CTBP1: variants seen among roughly 807,000 people sequenced by gnomAD.
CTBP1 encodes the protein C-terminal-binding protein 1.
In CTBP1, 11 loss-of-function variants were observed where a neutral mutation model predicts 42.1. The observed-to-expected ratio is 0.26, with a 90% confidence interval of 0.16 to 0.43. The LOEUF is 0.43. Among genes scored for constraint, CTBP1 ranks in the 20% least tolerant of loss-of-function variants. CTBP1 has a pLI of 1.00. For missense variants in CTBP1, 399 were observed against 624.3 expected, an observed-to-expected ratio of 0.64 and a Z score of 3.85; for synonymous variants, 324 against 277.1, an observed-to-expected ratio of 1.17 and a Z score of -1.68.
chr4:1,239,792 C>T (rs1159473787), intron 2 of CTBP1, among the ~76,000 whole-genome samples: 1 of 152,244 alleles, frequency 6.6e-6, no homozygotes, highest in Non-Finnish European at 1.5e-5. Flanking sequence ...ACCCACTTTC[C>T]TTCAAGATAG....
intron 5 of CTBP1, among the ~76,000 whole-genome samples, chr4:1,222,534 G>A (rs1157251905): frequency 6.6e-6 from 1 of 152,140 alleles, no homozygotes; most frequent in African/African-American, 2.4e-5. Flanking sequence ...CCCACAACCT[G>A]CCAGGTCCAC....
intron 5 of CTBP1, among the ~76,000 whole-genome samples, chr4:1,222,156 A>G (rs1019499404): frequency 1.3e-5 from 2 of 152,152 alleles, no homozygotes. Context: ...CGCCTGGAGC[A>G]TGAGGCTCTT....
At chr4:1,223,535 G>A (rs1215827542) in intron 5 of CTBP1, 1 of 455,486 alleles carries the variant, frequency 2.2e-6, no homozygotes, top group Non-Finnish European at 4.4e-6. Flanking sequence ...GAAGCGGGGG[G>A]CCGGCCGGTC....
chr4:1,231,894 C>T (rs985877279), intron 3 of CTBP1, among the ~76,000 whole-genome samples: 3 of 152,218 alleles, frequency 2.0e-5, no homozygotes, highest in Non-Finnish European at 4.4e-5. Context: ...GCAGGCCAGG[C>T]CAGGGGTTAC....
At chr4:1,217,954 T>A (rs1388843671) in intron 5 of CTBP1, 1 of 152,066 alleles carries the variant, frequency 6.6e-6, no homozygotes, top group Non-Finnish European at 1.5e-5. Context: ...GGTAACTCTA[T>A]AAAGAACCAC....
At chr4:1,245,910 G>A (rs1732672701) in intron 1 of CTBP1, among the ~76,000 whole-genome samples, 1 of 152,156 alleles carries the variant, frequency 6.6e-6, no homozygotes. Context: ...TTCCCTCAGG[G>A]CCATCCTCAC....
intron 1 of CTBP1, chr4:1,244,517 C>A: frequency 2.0e-6 from 2 of 985,274 alleles, no homozygotes; most frequent in Non-Finnish European, 2.4e-6. Context: ...CTGGCCAGCC[C>A]TGCTGGGCCA....
intron 1 of CTBP1, among the ~76,000 whole-genome samples, chr4:1,246,260 G>A (rs552223098): frequency 1.3e-5 from 2 of 152,240 alleles, no homozygotes; most frequent in African/African-American, 4.8e-5. Context: ...GCGACCACCA[G>A]AGGACCCTGG....
chr4:1,227,233 G>T (rs1274210170), intron 4 of CTBP1, among the ~76,000 whole-genome samples: 1 of 151,654 alleles, frequency 6.6e-6, no homozygotes, highest in Admixed American at 6.6e-5. Flanking sequence ...AAGCAGAGGT[G>T]CATGTGTTCT....
intron 2 of CTBP1, among the ~76,000 whole-genome samples, chr4:1,239,167 G>C (rs3755937): frequency 0.061 from 9,308 of 152,282 alleles, 468 homozygotes; most frequent in East Asian, 0.21. Context: ...CGCGTATGAC[G>C]CAACTAAGCC....
At position 1,241,359 on chromosome 4, in the gene CTBP1, C is replaced by A; in HGVS notation, c.-28G>T. The A allele has an allele frequency of 1.0e-6, 1 of 1,004,162 alleles. No individual in the cohort carries two copies. The highest frequency in any genetic ancestry group is 1.6e-6 in the Non-Finnish European group (1 of 622,204). The allele number at this position is 1,004,162 out of a possible 1,614,324, so 62.2% of individuals were successfully genotyped here. ...CTTAATATGGGCTCAGCTTCCACGACCATGAATTCGACTTTTCAAAGCTTT... is the reference window on the plus strand; with the variant it reads ...CTTAATATGGGCTCAGCTTCCACGAACATGAATTCGACTTTTCAAAGCTTT... On this transcript the variant is annotated 5_prime_UTR_variant, in exon 2 of 10. Coordinates refer to ENST00000382952, the MANE Select transcript of CTBP1 (RefSeq NM_001012614.2).
At chr4:1,230,507 A>G (rs1298297294) in intron 3 of CTBP1, among the ~76,000 whole-genome samples, 2 of 152,198 alleles carry the variant, frequency 1.3e-5, no homozygotes, top group Admixed American at 1.3e-4. Context: ...GGTCAGGGAC[A>G]GGCCTGGTGC....
At chr4:1,242,524 C>T (rs3822017) in intron 1 of CTBP1, 442,919 of 984,924 alleles carry the variant, frequency 0.45, 100,480 homozygotes, top group South Asian at 0.46. Context: ...CAACCCTCAA[C>T]TCCCTCTGCA....
chr4:1,211,754 ACAAG>A lies in CTBP1; in HGVS notation c.*482_*485del, dbSNP rs1418530703. ...TTTTCTAAATTATTCTAAAAATAAG[ACAAG>A]CAGGTAGAAAAAACAATGCACTGTG... On this transcript the variant is annotated 3_prime_UTR_variant, in exon 10 of 10. Coordinates refer to ENST00000382952, the MANE Select transcript of CTBP1 (RefSeq NM_001012614.2). 1 of 152,524 alleles carries A rather than the reference ACAAG, an allele frequency of 6.6e-6. No homozygotes were observed. The highest frequency in any genetic ancestry group is 1.5e-5 in the Non-Finnish European group (1 of 68,318). The allele number at this position is 152,524 out of a possible 1,614,324, so 9.4% of individuals were successfully genotyped here. A position where few individuals can be genotyped will look rare whatever the true frequency, so the allele number is the denominator to read the frequency against.
chr4:1,217,257 G>C (rs1272103198), intron 5 of CTBP1: 1 of 152,344 alleles, frequency 6.6e-6, no homozygotes, highest in Non-Finnish European at 1.5e-5. Flanking sequence ...AGTCAGAAGA[G>C]CTGAGGACCG....
chr4:1,213,717 AC>A, intron 7 of CTBP1, 112 bp from the exon 8 acceptor site: 1 of 1,405,938 alleles, frequency 7.1e-7, no homozygotes, highest in Non-Finnish European at 9.5e-7. Context: ...GGAACCACAG[AC>A]CCCACGGCCC....
chr4:1,244,892 T>TA (rs1732559513), intron 1 of CTBP1: 31 of 985,418 alleles, frequency 3.1e-5, no homozygotes, highest in Non-Finnish European at 3.5e-5. Context: ...GAACGAAGGC[T>TA]GTGCACAGCC....
At chr4:1,212,847 G>A (rs1295662116) in intron 9 of CTBP1, 66 bp downstream of exon 9, 12 of 1,382,890 alleles carry the variant, frequency 8.7e-6, no homozygotes, top group African/African-American at 8.5e-5. Flanking sequence ...ACCAGGGGCT[G>A]TGCTGGGATC....
At chr4:1,247,874 G>C (rs1454492153) in intron 1 of CTBP1, among the ~76,000 whole-genome samples, 1 of 152,210 alleles carries the variant, frequency 6.6e-6, no homozygotes, top group Non-Finnish European at 1.5e-5. Context: ...CCCACTCAGG[G>C]CACCGGGAAG....
Sources: gnomAD v4.1 joint callset for allele counts (sites outside exome capture counted in the v4.1 genomes callset) on GRCh38, gnomAD v4.1.1 for gene constraint, MANE v1.5 for transcripts, NCBI Gene and HGNC (gene_info 2026-07-23, HGNC 2026-07-21) for gene names.